Variants in KYAT3 observed in about 807,000 individuals in gnomAD.
KYAT3 encodes kynurenine aminotransferase 3, also known as kynurenine--oxoglutarate transaminase 3.
In KYAT3, 50 loss-of-function variants were observed where a neutral mutation model predicts 59.0. That is an observed-to-expected ratio of 0.85 (90% CI 0.68 to 1.07). The LOEUF is 1.07. Among genes scored for constraint, KYAT3 ranks in the 50% least tolerant of loss-of-function variants. KYAT3 has a pLI of 0.00. For missense variants in KYAT3, 497 were observed against 533.3 expected (o/e 0.93, Z 0.67); for synonymous variants, 148 against 177.0 (o/e 0.84, Z 1.30).
At chr1:88,988,451 A>T in intron 1 of KYAT3, 100 bp from the exon 2 acceptor site, 1 of 610,294 alleles carries the variant, frequency 1.6e-6, no homozygotes. Context: ...GCTTACGTAA[A>T]ATCCAAGTAA....
rs748095764 is a variant in KYAT3, at chr1:88,983,024, C to T, written c.99+5228G>A. ...TGGATGATCTGAATAGTCACGATCA[C>T]GACCATATCCATCTCTATCGCCATA... On this transcript the variant is annotated intron_variant, in intron 2 of 13. Coordinates refer to ENST00000260508, the MANE Select transcript of KYAT3 (RefSeq NM_001008661.3). 7 of 1,612,878 alleles carry T rather than the reference C, an allele frequency of 4.3e-6. No homozygotes were observed. The highest frequency in any genetic ancestry group is 2.7e-5 in the African/African-American group (2 of 75,008).
chr1:88,952,709 A>C (rs905822858), intron 10 of KYAT3, among the ~76,000 whole-genome samples: 1 of 152,196 alleles, frequency 6.6e-6, no homozygotes, highest in Non-Finnish European at 1.5e-5. Context: ...TTCTTTACCT[A>C]AGTGCAAGAA....
intron 2 of KYAT3, chr1:88,981,516 T>A (rs1319658871): frequency 6.4e-6 from 1 of 155,672 alleles, no homozygotes; most frequent in Admixed American, 6.5e-5. Context: ...ACTCCCTAGT[T>A]ATGAGTGTTA....
intron 13 of KYAT3, among the ~76,000 whole-genome samples, chr1:88,937,872 CA>C (rs1364417753): frequency 6.6e-6 from 1 of 152,110 alleles, no homozygotes; most frequent in African/African-American, 2.4e-5. Flanking sequence ...TCAAAAGTAT[CA>C]AGATCATGAA....
At chr1:88,982,588 A>G in intron 2 of KYAT3, 1 of 1,525,592 alleles carries the variant, frequency 6.6e-7, no homozygotes, top group Non-Finnish European at 8.8e-7. Flanking sequence ...TAGTTATGAT[A>G]GAATAGTTTC....
At position 88,964,880 on chromosome 1, in the gene KYAT3, T is replaced by C. The variant is rs1676283205; in HGVS notation, c.402A>G (p.Ala134=). The C allele has an allele frequency of 1.9e-6, 3 of 1,608,176 alleles. No homozygotes were observed. The highest frequency in any genetic ancestry group is 1.7e-4 in the Middle Eastern group (1 of 6,036). Residue 134 remains alanine (A), a synonymous_variant, in exon 5 of 14, where the codon GCA becomes GCG. Coordinates refer to ENST00000260508, the MANE Select transcript of KYAT3 (RefSeq NM_001008661.3). ...SNKEILVTVG[A]YGSLFNTIQA... ...GAATGGTGTTAAAAAGAGATCCATA[T>C]GCTCCTACTGTCACAAGGATTTCTT...
At position 88,936,162 on chromosome 1, in the gene KYAT3, C is replaced by A; in HGVS notation, c.*21G>T. On this transcript the variant is annotated 3_prime_UTR_variant, in exon 14 of 14. Transcript: ENST00000260508. Reference sequence around the variant, plus strand: ...TCCATACTAGGTCATCTAACAGAAACATTAATCCATTCTGCACAAATCAAG... The same window carrying A: ...TCCATACTAGGTCATCTAACAGAAAAATTAATCCATTCTGCACAAATCAAG... The A allele has an allele frequency of 6.4e-7, 1 of 1,564,272 alleles. No homozygotes were observed. Among genetic ancestry groups the A allele is most frequent in the Non-Finnish European group, 8.8e-7 (1 of 1,139,654 alleles).
At chr1:88,954,297 G>C (rs559228982) in intron 9 of KYAT3, among the ~76,000 whole-genome samples, 2 of 152,218 alleles carry the variant, frequency 1.3e-5, no homozygotes, top group Non-Finnish European at 2.9e-5. Context: ...CAGTGGTTAA[G>C]TGCATGAATT....
At chr1:88,966,964 T>C (rs1676373154) in intron 4 of KYAT3, among the ~76,000 whole-genome samples, 1 of 152,136 alleles carries the variant, frequency 6.6e-6, no homozygotes, top group South Asian at 2.1e-4. Context: ...TTTCTGATAA[T>C]ATAGCATAAT....
chr1:88,986,741 G>A (rs1274063709), intron 2 of KYAT3, among the ~76,000 whole-genome samples: 1 of 152,176 alleles, frequency 6.6e-6, no homozygotes, highest in African/African-American at 2.4e-5. Flanking sequence ...GGATGATGTG[G>A]ATGAAACGAA....
chr1:88,976,171 A>G (rs1232698244), intron 2 of KYAT3, among the ~76,000 whole-genome samples: 2 of 152,066 alleles, frequency 1.3e-5, no homozygotes, highest in African/African-American at 4.8e-5. Context: ...AGCCTGGCCA[A>G]TATGGTGAAA....
rs1306518539 is a variant in KYAT3, at chr1:88,961,073, A to G, written c.787+94T>C. On this transcript the variant is annotated intron_variant, in intron 8 of 13. Transcript: ENST00000260508. ...ATACAGACAGATACCCATTACAAAG[A>G]CTGTTTTAGAGTTGGTCTGGGATGC... The G allele has an allele frequency of 2.4e-6, 3 of 1,248,396 alleles. No homozygotes were observed. The African/African-American group carries it at 4.5e-5, about 19-fold the overall frequency. 77.3% of individuals were successfully genotyped at this position (1,248,396 alleles called of 1,614,324 possible).
chr1:88,962,699 GT>G (rs1279136855), intron 5 of KYAT3, among the ~76,000 whole-genome samples: 1 of 152,034 alleles, frequency 6.6e-6, no homozygotes, highest in Non-Finnish European at 1.5e-5. Flanking sequence ...GGGTTTCGCC[GT>G]GTTGCCCAGG....
intron 9 of KYAT3, among the ~76,000 whole-genome samples, chr1:88,954,934 A>T (rs12095532): frequency 0.032 from 4,946 of 152,194 alleles, 241 homozygotes; most frequent in African/African-American, 0.11. Flanking sequence ...GCTAATTTTT[A>T]AAAAATGTAT....
intron 4 of KYAT3, 96 bp downstream of exon 4, chr1:88,968,574 T>C (rs1676429747): frequency 9.9e-7 from 1 of 1,014,388 alleles, no homozygotes; most frequent in Non-Finnish European, 1.4e-6. Context: ...AGAAAGTCAC[T>C]TATATATGAA....
At chr1:88,933,252 G>C, downstream of KYAT3, among the ~76,000 whole-genome samples, 1 of 152,122 alleles carries the variant, frequency 6.6e-6, no homozygotes, top group East Asian at 1.9e-4. Context: ...CCCCTGGCTA[G>C]ATGAAAAGCC....
At position 88,935,832 on chromosome 1, in the gene KYAT3, T is replaced by C; in HGVS notation, c.*351A>G. 1 of 408,272 alleles carries C rather than the reference T, an allele frequency of 2.4e-6. No individual in the cohort carries two copies. Among genetic ancestry groups the C allele is most frequent in the South Asian group, 1.2e-4 (1 of 8,544 alleles). 25.3% of individuals were successfully genotyped at this position (408,272 alleles called of 1,614,324 possible). ...CAGGCTTTTTGCATACATTAGTCCA[T>C]TTAATTCTCAGAAACGACCTTCATA... On this transcript the variant is annotated 3_prime_UTR_variant, in exon 14 of 14. Transcript: ENST00000260508.
At chr1:88,938,211 A>G (rs1675108569) in intron 13 of KYAT3, among the ~76,000 whole-genome samples, 1 of 152,176 alleles carries the variant, frequency 6.6e-6, no homozygotes, top group South Asian at 2.1e-4. Flanking sequence ...TTAGGTTGAG[A>G]GCATTTAAAA....
intron 4 of KYAT3, among the ~76,000 whole-genome samples, chr1:88,967,406 G>A (rs903511966): frequency 2.6e-5 from 4 of 151,776 alleles, no homozygotes; most frequent in African/African-American, 9.7e-5. Flanking sequence ...TTAGGTTTGT[G>A]CAAAAGTAAT....
Sources: allele counts gnomAD v4.1 joint callset (sites outside exome capture counted in the v4.1 genomes callset), GRCh38; gene constraint gnomAD v4.1.1; transcripts MANE v1.5; gene names NCBI Gene and HGNC (gene_info 2026-07-23, HGNC 2026-07-21).